The following GATAD2A variants were observed in gnomAD, a reference collection of about 807,000 sequenced individuals.
The protein encoded by GATAD2A is GATA zinc finger domain containing 2A.
Under a neutral mutation model 68.5 loss-of-function variants are expected in GATAD2A, and 12 were observed. That is an observed-to-expected ratio of 0.18 (90% CI 0.11 to 0.28). The LOEUF (loss-of-function observed/expected upper bound fraction) is 0.28, where lower values mean the gene tolerates loss of function less well. Among genes scored for constraint, GATAD2A ranks in the 10% least tolerant of loss-of-function variants. The pLI, the probability that GATAD2A is intolerant of heterozygous loss-of-function variation, is 1.00. For synonymous variants in GATAD2A, 410 were observed against 375.3 expected (o/e 1.09, Z -1.07); for missense variants, 755 against 868.5 (o/e 0.87, Z 1.64).
At chr19:19,439,488 A>G (rs917331274) in intron 1 of GATAD2A, among the ~76,000 whole-genome samples, 1 of 152,078 alleles carries the variant, frequency 6.6e-6, no homozygotes, top group Admixed American at 6.6e-5. Context: ...GATGGGAGTC[A>G]GGTAGTGCCG....
intron 2 of GATAD2A, among the ~76,000 whole-genome samples, chr19:19,470,147 T>TTA (rs1568314977): frequency 7.3e-6 from 1 of 136,080 alleles, no homozygotes; most frequent in South Asian, 2.6e-4. Flanking sequence ...GACTTTATTT[T>TTA]TTTTTTTGTT....
intron 2 of GATAD2A, among the ~76,000 whole-genome samples, chr19:19,474,394 C>A (rs1483409641): frequency 1.3e-5 from 2 of 152,126 alleles, no homozygotes; most frequent in African/African-American, 2.4e-5. Flanking sequence ...CCAGAAGGGC[C>A]CTCACGCACT....
chr19:19,449,777 G>C (rs2056172395), intron 1 of GATAD2A, among the ~76,000 whole-genome samples: 2 of 152,132 alleles, frequency 1.3e-5, no homozygotes, highest in African/African-American at 4.8e-5. Flanking sequence ...TCCTGAGCAA[G>C]AGAGTGAGAT....
intron 2 of GATAD2A, among the ~76,000 whole-genome samples, chr19:19,486,769 C>T (rs1451926869): frequency 6.6e-6 from 1 of 152,208 alleles, no homozygotes; most frequent in African/African-American, 2.4e-5. Flanking sequence ...AGCCAGCCGG[C>T]TGTCTAAGGT....
In GATAD2A at chr19:19,505,445, T is replaced by A; in HGVS notation, c.1876T>A (p.Ser626Thr). 2 of 1,607,114 alleles carry A rather than the reference T, an allele frequency of 1.2e-6. No individual in the cohort carries two copies. The highest frequency in any genetic ancestry group is 1.7e-6 in the Non-Finnish European group (2 of 1,176,628). The change falls in exon 12 of 12, where the codon TCC (serine) becomes ACC (threonine). Residue 626 changes from serine (S) to threonine (T), a missense_variant. By Grantham distance (58) the Ser-to-Thr change is moderately conservative. Transcript: ENST00000683918. ...EYLLDMIPPR[S>T]IPQSATWK ...CCTCCTGGACATGATCCCACCCCGC[T>A]CCATCCCCCAGTCAGCCACGTGGAA...
At chr19:19,451,285 G>T (rs1445120062) in intron 1 of GATAD2A, among the ~76,000 whole-genome samples, 1 of 152,114 alleles carries the variant, frequency 6.6e-6, no homozygotes, top group Non-Finnish European at 1.5e-5. Context: ...GGAGGCTGAG[G>T]CAGGGGAATC....
At chr19:19,438,003 T>G (rs753584050) in intron 1 of GATAD2A, among the ~76,000 whole-genome samples, 1 of 152,236 alleles carries the variant, frequency 6.6e-6, no homozygotes, top group Admixed American at 6.5e-5. Context: ...ATTACCAGAC[T>G]GTTATCCATG....
At chr19:19,478,616 C>T (rs1405999888) in intron 2 of GATAD2A, among the ~76,000 whole-genome samples, 1 of 151,624 alleles carries the variant, frequency 6.6e-6, no homozygotes, top group Non-Finnish European at 1.5e-5. Context: ...AAAAAAATTT[C>T]AGCCTGGGCA....
intron 2 of GATAD2A, among the ~76,000 whole-genome samples, chr19:19,467,750 AATTTCCT>A: frequency 6.6e-6 from 1 of 152,074 alleles, no homozygotes; most frequent in East Asian, 1.9e-4. Flanking sequence ...TAGGAGAGAG[AATTTCCT>A]TTTTCTTTAG....
intron 1 of GATAD2A, chr19:19,429,238 TC>T: frequency 1.0e-6 from 1 of 985,174 alleles, no homozygotes; most frequent in Non-Finnish European, 1.2e-6. Flanking sequence ...AGCATCGTGG[TC>T]CATGGTGAGG....
At chr19:19,467,965 G>T (rs985156890) in intron 2 of GATAD2A, among the ~76,000 whole-genome samples, 3 of 152,216 alleles carry the variant, frequency 2.0e-5, no homozygotes, top group Admixed American at 6.5e-5. Flanking sequence ...CAACTTGTGT[G>T]AGTGTTTTAT....
chr19:19,401,658 C>T (rs1339913366), upstream of GATAD2A, among the ~76,000 whole-genome samples: 1 of 151,676 alleles, frequency 6.6e-6, no homozygotes, highest in Non-Finnish European at 1.5e-5. Context: ...TCTCAGTTGT[C>T]GATCAGTGTT....
At position 19,491,650 on chromosome 19, in the gene GATAD2A, C is replaced by G. The variant is rs116983443; in HGVS notation, c.270-656C>G. 5.8e-4 allele frequency among the ~76,000 whole-genome samples: 89 copies of G among 152,330 alleles called. 2 individuals carry two copies. The East Asian group carries it at 0.015, about 25-fold the overall frequency. On this transcript the variant is annotated intron_variant, in intron 2 of 11. Transcript: ENST00000683918. ...CCTAGTCAGTTTCAAAACAGACAGC[C>G]ACTGCCGCCATGTGGGGCCCAAGAA...
At chr19:19,413,611 T>C (rs1170081700) in intron 1 of GATAD2A, among the ~76,000 whole-genome samples, 2 of 152,166 alleles carry the variant, frequency 1.3e-5, no homozygotes, top group Non-Finnish European at 2.9e-5. Context: ...AGATGGAGTC[T>C]CACTCTGTCG....
intron 1 of GATAD2A, chr19:19,435,015 A>G (rs1186784958): frequency 2.1e-6 from 1 of 483,466 alleles, no homozygotes; most frequent in Non-Finnish European, 4.4e-6. Flanking sequence ...CATGATGGTG[A>G]GGAGGTTACA....
At chr19:19,396,418 A>C (rs1232866433) in intron 1 of GATAD2A, among the ~76,000 whole-genome samples, 1 of 152,206 alleles carries the variant, frequency 6.6e-6, no homozygotes, top group Non-Finnish European at 1.5e-5. Flanking sequence ...ACCAGTTGAC[A>C]CTGGGCCAAT....
intron 1 of GATAD2A, among the ~76,000 whole-genome samples, chr19:19,439,115 G>C (rs2054691530): frequency 6.6e-6 from 1 of 152,228 alleles, no homozygotes; most frequent in Non-Finnish European, 1.5e-5. Flanking sequence ...CCCTCAATGT[G>C]CCCAGCAGCT....
At chr19:19,388,624 A>G (rs2048625353) in intron 1 of GATAD2A, among the ~76,000 whole-genome samples, 1 of 151,842 alleles carries the variant, frequency 6.6e-6, no homozygotes, top group African/African-American at 2.4e-5. Context: ...TCCAGCCGTG[A>G]GGCCATCACA....
chr19:19,413,532 T>TCCA (rs2051215618), intron 1 of GATAD2A, among the ~76,000 whole-genome samples: 1 of 152,094 alleles, frequency 6.6e-6, no homozygotes, highest in African/African-American at 2.4e-5. Flanking sequence ...TTCCTAGGGT[T>TCCA]CTCTTATAGC....
Sources: gnomAD v4.1 joint callset for allele counts (sites outside exome capture counted in the v4.1 genomes callset) on GRCh38, gnomAD v4.1.1 for gene constraint, MANE v1.5 for transcripts, NCBI Gene and HGNC (gene_info 2026-07-23, HGNC 2026-07-21) for gene names.